AFF3: variants seen among roughly 807,000 people sequenced by gnomAD.
AFF3 encodes AF4/FMR2 family member 3.
AFF3 carries 32 observed loss-of-function variants against 129.7 expected under a neutral mutation model. The observed-to-expected ratio is 0.25, with a 90% CI of 0.19 to 0.33. The LOEUF is 0.33. Among genes scored for constraint, AFF3 ranks in the 10% least tolerant of loss-of-function variants. The probability of loss-of-function intolerance (pLI) is 1.00; values close to 1 mark genes in which losing one functional copy is unlikely to be tolerated. For missense variants in AFF3, 1,373 were observed against 1,592.0 expected (o/e 0.86, Z 2.34); for synonymous variants, 644 against 635.4 (o/e 1.01, Z -0.20).
intron 8 of AFF3, among the ~76,000 whole-genome samples, chr2:99,787,548 A>G (rs749448282): frequency 5.9e-5 from 9 of 152,210 alleles, no homozygotes; most frequent in African/African-American, 9.7e-5. Flanking sequence ...GACAGCATAC[A>G]TCTCTGTTTT....
intron 4 of AFF3, among the ~76,000 whole-genome samples, chr2:100,016,186 C>T (rs950595331): frequency 1.2e-4 from 15 of 128,776 alleles, no homozygotes. Flanking sequence ...TGTGGCGATG[C>T]TGATAATGAT....
chr2:99,943,542 ACTGCCTT>A (rs1168390185), intron 7 of AFF3, among the ~76,000 whole-genome samples: 1 of 152,216 alleles, frequency 6.6e-6, no homozygotes, highest in Non-Finnish European at 1.5e-5. Flanking sequence ...AAAATGTGAC[ACTGCCTT>A]CTTTCCAAAC....
At chr2:99,599,618 A>T (rs1679623886) in intron 14 of AFF3, among the ~76,000 whole-genome samples, 1 of 152,172 alleles carries the variant, frequency 6.6e-6, no homozygotes, top group Admixed American at 6.5e-5. Context: ...ACATTTCAGG[A>T]TGAAAATAAG....
At chr2:99,588,223 C>T (rs979254840) in intron 15 of AFF3, among the ~76,000 whole-genome samples, 8 of 152,074 alleles carry the variant, frequency 5.3e-5, no homozygotes, top group Non-Finnish European at 1.2e-4. Context: ...GTCACCCAGG[C>T]TGGAGTGCAG....
chr2:99,641,123 C>A (rs951284892), intron 13 of AFF3, among the ~76,000 whole-genome samples: 1 of 152,186 alleles, frequency 6.6e-6, no homozygotes, highest in African/African-American at 2.4e-5. Context: ...CTGGGTCACC[C>A]GATGCTTCCT....
intron 11 of AFF3, among the ~76,000 whole-genome samples, chr2:99,699,858 G>A (rs898946528): frequency 1.3e-5 from 2 of 152,208 alleles, no homozygotes; most frequent in African/African-American, 4.8e-5. Flanking sequence ...AAAGGGAATC[G>A]AGGGATAAAC....
At chr2:99,970,359 C>T (rs1350910078) in intron 7 of AFF3, among the ~76,000 whole-genome samples, 1 of 152,142 alleles carries the variant, frequency 6.6e-6, no homozygotes, top group African/African-American at 2.4e-5. Flanking sequence ...CAGCTTGAAA[C>T]AGCCACTGAT....
intron 13 of AFF3, among the ~76,000 whole-genome samples, chr2:99,602,398 GA>G (rs1679924208): frequency 1.3e-5 from 2 of 152,156 alleles, no homozygotes; most frequent in South Asian, 4.1e-4. Context: ...TATCCATGCT[GA>G]AATTTGCCAG....
chr2:99,553,059 C>A (rs994737468), intron 24 of AFF3, among the ~76,000 whole-genome samples: 3 of 152,160 alleles, frequency 2.0e-5, no homozygotes, highest in African/African-American at 7.2e-5. Flanking sequence ...GCCTCAGCCC[C>A]CTGAGTAGCT....
At chr2:99,587,381 T>G in intron 15 of AFF3, 103 bp from the exon 16 acceptor site, 1 of 1,404,032 alleles carries the variant, frequency 7.1e-7, no homozygotes, top group Non-Finnish European at 9.7e-7. Flanking sequence ...GGAGCCCCAC[T>G]CACCTGGCTT....
intron 13 of AFF3, among the ~76,000 whole-genome samples, chr2:99,603,075 C>T (rs1679988912): frequency 6.6e-6 from 1 of 152,212 alleles, no homozygotes; most frequent in Non-Finnish European, 1.5e-5. Flanking sequence ...CAGCAGCAGA[C>T]AACATCTGCA....
chr2:99,716,526 T>A (rs1678401029), intron 11 of AFF3, among the ~76,000 whole-genome samples: 1 of 151,920 alleles, frequency 6.6e-6, no homozygotes, highest in Admixed American at 6.6e-5. Context: ...TGTACCTTGT[T>A]AAGGTAAGTG....
At chr2:99,726,638 T>A (rs1679385348) in intron 11 of AFF3, among the ~76,000 whole-genome samples, 1 of 152,226 alleles carries the variant, frequency 6.6e-6, no homozygotes, top group Non-Finnish European at 1.5e-5. Flanking sequence ...AAGAAACTCT[T>A]GAGATTCCAG....
chr2:99,793,612 C>T (rs1478725945), intron 8 of AFF3, among the ~76,000 whole-genome samples: 3 of 152,114 alleles, frequency 2.0e-5, no homozygotes, highest in East Asian at 1.9e-4. Flanking sequence ...TTTGTAATAC[C>T]TGTGGTGATG....
intron 11 of AFF3, among the ~76,000 whole-genome samples, chr2:99,723,754 C>T (rs1575794127): frequency 6.6e-6 from 1 of 152,190 alleles, no homozygotes; most frequent in African/African-American, 2.4e-5. Flanking sequence ...ATCCTAACTT[C>T]CAGTGCCTCA....
intron 4 of AFF3, among the ~76,000 whole-genome samples, chr2:100,052,773 T>C (rs1221661383): frequency 6.6e-6 from 1 of 152,198 alleles, no homozygotes; most frequent in African/African-American, 2.4e-5. Context: ...TCTCAGTCCA[T>C]TCACTAATGA....
chr2:99,888,667 A>C (rs1030410373), intron 7 of AFF3, among the ~76,000 whole-genome samples: 1 of 152,216 alleles, frequency 6.6e-6, no homozygotes, highest in Non-Finnish European at 1.5e-5. Flanking sequence ...TTACGTAATC[A>C]ATCACTTGTC....
At chr2:100,021,666 A>AC (rs1683613078) in intron 4 of AFF3, among the ~76,000 whole-genome samples, 1 of 152,164 alleles carries the variant, frequency 6.6e-6, no homozygotes, top group Admixed American at 6.5e-5. Flanking sequence ...CAAAACACAA[A>AC]CTTTTAATAA....
chr2:99,774,422 C>T (rs1352315488), intron 8 of AFF3, among the ~76,000 whole-genome samples: 1 of 152,084 alleles, frequency 6.6e-6, no homozygotes, highest in Admixed American at 6.5e-5. Context: ...GAATAGAGAA[C>T]CCAGAAATAA....
Sources: allele counts gnomAD v4.1 joint callset (sites outside exome capture counted in the v4.1 genomes callset), GRCh38; gene constraint gnomAD v4.1.1; transcripts MANE v1.5; gene names NCBI Gene and HGNC (gene_info 2026-07-23, HGNC 2026-07-21).